FHIT: variants seen among roughly 807,000 people sequenced by gnomAD.
FHIT encodes bis(5'-adenosyl)-triphosphatase.
In FHIT, 19 loss-of-function variants were observed where a neutral mutation model predicts 17.9. The observed-to-expected ratio is 1.06, with a 90% CI of 0.74 to 1.56. FHIT has a LOEUF of 1.56. FHIT is among the 40% of genes most tolerant of loss of function. The probability of loss-of-function intolerance (pLI) is 0.00; values close to 1 mark genes in which losing one functional copy is unlikely to be tolerated. For synonymous variants in FHIT, 81 were observed against 69.7 expected (o/e 1.16, Z -0.81); for missense variants, 248 against 189.2 (o/e 1.31, Z -1.82).
At chr3:60,585,521 A>T (rs887050312) in intron 4 of FHIT, among the ~76,000 whole-genome samples, 14 of 152,160 alleles carry the variant, frequency 9.2e-5, no homozygotes, top group Middle Eastern at 3.4e-3. Flanking sequence ...CAAAATATTT[A>T]ATGAAATTCC....
intron 5 of FHIT, among the ~76,000 whole-genome samples, chr3:60,434,452 T>C (rs763964017): frequency 6.6e-6 from 1 of 152,014 alleles, no homozygotes; most frequent in Non-Finnish European, 1.5e-5. Context: ...GATGGCAGGG[T>C]TGCATAGGGG....
chr3:60,184,129 C>T (rs1247164961), intron 5 of FHIT, among the ~76,000 whole-genome samples: 6 of 151,792 alleles, frequency 4.0e-5, no homozygotes, highest in Admixed American at 6.6e-5. Context: ...CTCGGATTAC[C>T]GGGCATTATC....
At chr3:60,735,667 T>G (rs9816210) in intron 4 of FHIT, among the ~76,000 whole-genome samples, 6,736 of 152,280 alleles carry the variant, frequency 0.044, 509 homozygotes, top group African/African-American at 0.15. Context: ...GAGACATATT[T>G]CTGATGCCAT....
chr3:60,138,104 C>G (rs976868960), intron 5 of FHIT, among the ~76,000 whole-genome samples: 1 of 152,166 alleles, frequency 6.6e-6, no homozygotes, highest in African/African-American at 2.4e-5. Context: ...TGGCTCCAAT[C>G]GAAGATCGTC....
chr3:60,529,277 T>C (rs2035683535), intron 5 of FHIT, among the ~76,000 whole-genome samples: 1 of 152,140 alleles, frequency 6.6e-6, no homozygotes, highest in Admixed American at 6.6e-5. Context: ...GTTGAACACA[T>C]ATACGTATTT....
chr3:60,063,248 T>A (rs17062003), intron 5 of FHIT, among the ~76,000 whole-genome samples: 4,845 of 152,268 alleles, frequency 0.032, 244 homozygotes, highest in African/African-American at 0.11. Context: ...CCGACTGACA[T>A]CTGGTCTACA....
At chr3:60,993,762 C>T (rs763873688) in intron 3 of FHIT, among the ~76,000 whole-genome samples, 2 of 152,096 alleles carry the variant, frequency 1.3e-5, no homozygotes, top group African/African-American at 2.4e-5. Context: ...TTTTGCACAT[C>T]TCAAGGCTCA....
chr3:60,065,947 A>C (rs1702483200), intron 5 of FHIT, among the ~76,000 whole-genome samples: 3 of 152,206 alleles, frequency 2.0e-5, no homozygotes, highest in Admixed American at 6.5e-5. Context: ...GCCATCTTGC[A>C]AATAGGCAGA....
At chr3:60,390,097 C>A (rs1701161522) in intron 5 of FHIT, among the ~76,000 whole-genome samples, 1 of 151,980 alleles carries the variant, frequency 6.6e-6, no homozygotes, top group African/African-American at 2.4e-5. Flanking sequence ...TTGAATAATA[C>A]CAAAGAAAGA....
chr3:60,152,504 G>A (rs755605501), intron 5 of FHIT, among the ~76,000 whole-genome samples: 7 of 152,190 alleles, frequency 4.6e-5, no homozygotes, highest in African/African-American at 1.4e-4. Flanking sequence ...ACATGTGTGT[G>A]TATATTTCTG....
chr3:59,983,556 A>G (rs958537556), intron 7 of FHIT, among the ~76,000 whole-genome samples: 2 of 152,172 alleles, frequency 1.3e-5, no homozygotes, highest in Non-Finnish European at 2.9e-5. Context: ...CTATGTACAT[A>G]TAGGAAAAAA....
chr3:61,207,604 C>T (rs1240044805), intron 1 of FHIT, among the ~76,000 whole-genome samples: 1 of 152,148 alleles, frequency 6.6e-6, no homozygotes, highest in African/African-American at 2.4e-5. Context: ...AGTTTATTTG[C>T]ATAGAGGTGT....
rs550951378 is a variant in FHIT, at chr3:60,810,054, T to C, written c.-18+11865A>G. On this transcript the variant is annotated intron_variant, in intron 4 of 9. Coordinates refer to ENST00000492590, the MANE Select transcript of FHIT (RefSeq NM_002012.4). ...GATAAGGCCTAACACTCCTACAAAATGCAAACACTGAAGCAGAGATTTCGC... is the reference window on the plus strand; with the variant it reads ...GATAAGGCCTAACACTCCTACAAAACGCAAACACTGAAGCAGAGATTTCGC... Among the ~76,000 whole-genome samples, 11 of 152,276 alleles carry C rather than the reference T, an allele frequency of 7.2e-5. No homozygotes were observed. In the South Asian group the frequency reaches 2.1e-3, roughly 29 times the overall value.
intron 4 of FHIT, among the ~76,000 whole-genome samples, chr3:60,806,145 A>G (rs189865207): frequency 6.6e-6 from 1 of 152,184 alleles, no homozygotes; most frequent in Non-Finnish European, 1.5e-5. Context: ...ATACACAACT[A>G]TTTTATCTAG....
At chr3:60,679,927 T>C (rs548957761) in intron 4 of FHIT, among the ~76,000 whole-genome samples, 4 of 152,334 alleles carry the variant, frequency 2.6e-5, no homozygotes, top group South Asian at 4.1e-4. Flanking sequence ...TTCTTGTTAC[T>C]ATATGTTGTT....
At chr3:60,083,503 T>C (rs902460208) in intron 5 of FHIT, among the ~76,000 whole-genome samples, 4 of 103,644 alleles carry the variant, frequency 3.9e-5, no homozygotes, top group African/African-American at 1.9e-4. Context: ...GGTAGTTTGA[T>C]AGGAATACCA....
intron 4 of FHIT, among the ~76,000 whole-genome samples, chr3:60,763,159 T>C (rs781922599): frequency 2.0e-5 from 3 of 152,204 alleles, no homozygotes; most frequent in Non-Finnish European, 4.4e-5. Context: ...CACAGGCTTG[T>C]TGGCTTACAC....
chr3:60,849,911 C>G (rs1703082239), intron 3 of FHIT, among the ~76,000 whole-genome samples: 1 of 152,076 alleles, frequency 6.6e-6, no homozygotes. Context: ...TCCCCCACTT[C>G]TACTTCTTCT....
At chr3:60,861,118 T>A (rs1290489979) in intron 3 of FHIT, among the ~76,000 whole-genome samples, 1 of 78,012 alleles carries the variant, frequency 1.3e-5, no homozygotes, top group Non-Finnish European at 2.6e-5. Context: ...ATATATCCTA[T>A]ATGTGTATAT....
Sources: allele counts gnomAD v4.1 joint callset (sites outside exome capture counted in the v4.1 genomes callset), GRCh38; gene constraint gnomAD v4.1.1; transcripts MANE v1.5; gene names NCBI Gene and HGNC (gene_info 2026-07-23, HGNC 2026-07-21).